The following ACER2 variants were observed in gnomAD, a reference collection of about 807,000 sequenced individuals.
ACER2 encodes the protein alkCDase 2.
In ACER2, 26 loss-of-function variants were observed where a neutral mutation model predicts 34.7. That is an observed-to-expected ratio of 0.75 (90% confidence interval 0.55 to 1.04). ACER2 has a LOEUF of 1.04. Among genes scored for constraint, ACER2 ranks in the 50% least tolerant of loss-of-function variants. The probability of loss-of-function intolerance (pLI) is 0.00; values close to 1 mark genes in which losing one functional copy is unlikely to be tolerated. For synonymous variants in ACER2, 138 were observed against 132.1 expected, an observed-to-expected ratio of 1.04 and a Z score of -0.31; for missense variants, 352 against 340.8, an observed-to-expected ratio of 1.03 and a Z score of -0.26.
At position 19,435,018 on chromosome 9, in the gene ACER2, TCAA is replaced by T. The variant is rs1478564537; in HGVS notation, c.443_445del (p.Asn148del). On this transcript the variant is annotated inframe_deletion, in exon 4 of 6. Transcript: ENST00000340967. ...TGCCTGGCATTTGTCAAGCCTGCCATCAACAACATCTCTCTGATGACCCTGGGA... is the reference window on the plus strand; with the variant it reads ...TGCCTGGCATTTGTCAAGCCTGCCATCAACATCTCTCTGATGACCCTGGGA... 6.2e-7 allele frequency: 1 copy of T among 1,614,190 alleles called. No homozygotes were observed. The highest frequency in any genetic ancestry group is 2.2e-5 in the East Asian group (1 of 44,878).
chr9:19,436,487 A>G (rs990324090), intron 4 of ACER2, among the ~76,000 whole-genome samples: 1 of 152,148 alleles, frequency 6.6e-6, no homozygotes, highest in African/African-American at 2.4e-5. Context: ...AATGACTGTT[A>G]GCTTTTTGGT....
intron 1 of ACER2, among the ~76,000 whole-genome samples, chr9:19,421,916 G>A (rs1215109252): frequency 6.6e-6 from 1 of 152,156 alleles, no homozygotes; most frequent in Non-Finnish European, 1.5e-5. Context: ...CACAGGAAAT[G>A]TGCCTAGCCC....
intron 4 of ACER2, among the ~76,000 whole-genome samples, chr9:19,436,637 G>A (rs1452116616): frequency 6.6e-6 from 1 of 152,000 alleles, no homozygotes; most frequent in African/African-American, 2.4e-5. Context: ...GGAATGTATT[G>A]TAGTCCTCCT....
chr9:19,449,174 G>A (rs1030565272), intron 5 of ACER2, among the ~76,000 whole-genome samples: 8 of 152,144 alleles, frequency 5.3e-5, no homozygotes. Context: ...ATCTAGGCTT[G>A]GCACATAGTA....
intron 1 of ACER2, among the ~76,000 whole-genome samples, chr9:19,416,692 AT>A (rs35209835): frequency 7.1e-4 from 103 of 144,350 alleles, no homozygotes; most frequent in Admixed American, 9.0e-4. Context: ...TGCCCAGCTA[AT>A]TTTTTTTTTT....
chr9:19,445,937 G>A (rs1175469047), intron 4 of ACER2, among the ~76,000 whole-genome samples: 1 of 152,202 alleles, frequency 6.6e-6, no homozygotes, highest in Non-Finnish European at 1.5e-5. Flanking sequence ...GAGAGCTGAT[G>A]GACTAGATGT....
At chr9:19,443,857 A>C (rs1295948245) in intron 4 of ACER2, among the ~76,000 whole-genome samples, 1 of 152,038 alleles carries the variant, frequency 6.6e-6, no homozygotes, top group East Asian at 1.9e-4. Flanking sequence ...GGATATCACC[A>C]CATTGGCCAG....
intron 4 of ACER2, among the ~76,000 whole-genome samples, chr9:19,444,659 G>A (rs1472593756): frequency 2.6e-5 from 4 of 152,236 alleles, no homozygotes; most frequent in Non-Finnish European, 4.4e-5. Context: ...TGTGTGGGAA[G>A]AAGCCTGGAG....
intron 5 of ACER2, among the ~76,000 whole-genome samples, chr9:19,449,544 A>T (rs929379640): frequency 2.0e-5 from 3 of 152,156 alleles, no homozygotes; most frequent in African/African-American, 7.2e-5. Flanking sequence ...GATTTTGTGT[A>T]ATTTTTAAAA....
rs1450317977 is a variant in ACER2, at chr9:19,450,692, T to A, written c.*56T>A. On this transcript the variant is annotated 3_prime_UTR_variant, in exon 6 of 6. Coordinates refer to ENST00000340967, the MANE Select transcript of ACER2 (RefSeq NM_001010887.3). ...TCGCCCCTCATGCAGTGGGCTTCCTTTGCTAGGAAGACAGCCAAGGGAGTT... is the reference window on the plus strand; with the variant it reads ...TCGCCCCTCATGCAGTGGGCTTCCTATGCTAGGAAGACAGCCAAGGGAGTT... 6.9e-6 allele frequency: 10 copies of A among 1,458,924 alleles called. No individual in the cohort carries two copies. The highest frequency in any genetic ancestry group is 9.3e-6 in the Non-Finnish European group (10 of 1,080,446). 90.4% of individuals were successfully genotyped at this position (1,458,924 alleles called of 1,614,324 possible).
rs1418411975 is a variant in ACER2 at position 19,444,202 on chromosome 9, A to G, written c.504-2079A>G. Among the ~76,000 whole-genome samples, 6 of 150,838 alleles carry G rather than the reference A, an allele frequency of 4.0e-5. 1 individual carries two copies. Among genetic ancestry groups the G allele is most frequent in the African/African-American group, 7.3e-5 (3 of 41,126 alleles). On this transcript the variant is annotated intron_variant, in intron 4 of 5. Transcript: ENST00000340967. ...AAAAAAAAAGAAAGTCGCAAAAAAA[A>G]AAAATCTCATAATGGTTTTTTTTTT...
chr9:19,420,903 C>T (rs1830385575), intron 1 of ACER2, among the ~76,000 whole-genome samples: 1 of 152,130 alleles, frequency 6.6e-6, no homozygotes, highest in Admixed American at 6.6e-5. Context: ...CCTCCAAAGG[C>T]CTCACCTCTT....
intron 5 of ACER2, among the ~76,000 whole-genome samples, chr9:19,447,031 A>G (rs1831395327): frequency 6.6e-6 from 1 of 152,168 alleles, no homozygotes; most frequent in Admixed American, 6.5e-5. Context: ...TAAGTTAAAA[A>G]AAAAAAAGCG....
chr9:19,424,325 A>G, intron 2 of ACER2: 1 of 964,404 alleles, frequency 1.0e-6, no homozygotes, highest in Non-Finnish European at 1.2e-6. Flanking sequence ...TTGATCCCTC[A>G]TTGTTTTGTG....
intron 1 of ACER2, chr9:19,409,787 G>C (rs951823876): frequency 2.8e-5 from 28 of 985,012 alleles, no homozygotes; most frequent in Non-Finnish European, 3.3e-5. Context: ...CCTGTCTTGT[G>C]CAAGCCGCTA....
At position 19,450,715 on chromosome 9, in the gene ACER2, G is replaced by A; in HGVS notation, c.*79G>A. The A allele has an allele frequency of 7.4e-7, 1 of 1,351,384 alleles. No homozygotes were observed. Among genetic ancestry groups the A allele is most frequent in the Non-Finnish European group, 9.9e-7 (1 of 1,007,390 alleles). The allele number at this position is 1,351,384 out of a possible 1,614,324, so 83.7% of individuals were successfully genotyped here. A position where few individuals can be genotyped will look rare whatever the true frequency, so the allele number is the denominator to read the frequency against. On this transcript the variant is annotated 3_prime_UTR_variant, in exon 6 of 6. Coordinates refer to ENST00000340967, the MANE Select transcript of ACER2 (RefSeq NM_001010887.3). ...CTTTGCTAGGAAGACAGCCAAGGGA[G>A]TTCGAATAGTTGGGGTGTGGGCTAT...
chr9:19,410,761 C>G (rs1270624887), intron 1 of ACER2, among the ~76,000 whole-genome samples: 3 of 152,184 alleles, frequency 2.0e-5, no homozygotes, highest in African/African-American at 7.2e-5. Context: ...GTGGCCATGA[C>G]TTATGTATTG....
At chr9:19,445,000 G>A (rs1162368872) in intron 4 of ACER2, among the ~76,000 whole-genome samples, 1 of 152,230 alleles carries the variant, frequency 6.6e-6, no homozygotes, top group Non-Finnish European at 1.5e-5. Flanking sequence ...GCACTAGCCA[G>A]TCAGGCTTTT....
chr9:19,428,606 G>T (rs917096719), intron 3 of ACER2, among the ~76,000 whole-genome samples: 2 of 151,710 alleles, frequency 1.3e-5, no homozygotes, highest in Non-Finnish European at 2.9e-5. Context: ...AAAAAAAAAG[G>T]CTCTGGGACC....
Sources: allele counts gnomAD v4.1 joint callset (sites outside exome capture counted in the v4.1 genomes callset), GRCh38; gene constraint gnomAD v4.1.1; transcripts MANE v1.5; gene names NCBI Gene and HGNC (gene_info 2026-07-23, HGNC 2026-07-21).